UNC13B: variants seen among roughly 807,000 people sequenced by gnomAD.
UNC13B encodes the protein protein unc-13 homolog B.
Under a neutral mutation model 211.0 loss-of-function variants are expected in UNC13B, and 144 were observed. The ratio of observed to expected loss-of-function variants is 0.68; its 90% confidence interval spans 0.60 to 0.78. UNC13B has a LOEUF of 0.78. Among genes scored for constraint, UNC13B ranks in the 30% least tolerant of loss-of-function variants. The pLI is 0.00. For missense variants in UNC13B, 1,777 were observed against 2,002.0 expected (o/e 0.89, Z 2.14); for synonymous variants, 709 against 725.8 (o/e 0.98, Z 0.37).
chr9:35,235,503 G>T (rs927204292), intron 3 of UNC13B, among the ~76,000 whole-genome samples: 6 of 151,322 alleles, frequency 4.0e-5, no homozygotes, highest in African/African-American at 1.5e-4. Context: ...AGGCTGGAGT[G>T]CAGTGGCGTG....
intron 1 of UNC13B, among the ~76,000 whole-genome samples, chr9:35,183,700 T>C (rs1390652803): frequency 7.7e-4 from 66 of 86,208 alleles, no homozygotes; most frequent in South Asian, 3.1e-3. Context: ...ACGGGGCAGC[T>C]GGGCAGAGGC....
chr9:35,352,987 A>C, intron 11 of UNC13B: 4 of 1,232,210 alleles, frequency 3.2e-6, no homozygotes, highest in Non-Finnish European at 4.0e-6. Context: ...GAATAAACGC[A>C]GAGGACAAGC....
intron 32 of UNC13B, 67 bp from the exon 33 acceptor site, chr9:35,398,815 G>C: frequency 1.3e-6 from 2 of 1,584,970 alleles, no homozygotes; most frequent in Non-Finnish European, 1.7e-6. Flanking sequence ...GGACCAAATA[G>C]CTGGTGCCGC....
intron 3 of UNC13B, among the ~76,000 whole-genome samples, chr9:35,232,095 G>A (rs1825234237): frequency 6.6e-6 from 1 of 150,466 alleles, no homozygotes; most frequent in South Asian, 2.1e-4. Flanking sequence ...ATGTTTTATA[G>A]TGCAGCTCAG....
intron 11 of UNC13B, among the ~76,000 whole-genome samples, chr9:35,344,332 C>T (rs1027390325): frequency 6.6e-6 from 1 of 152,054 alleles, no homozygotes. Context: ...GAAAGATTTC[C>T]ACCTTAGTTT....
intron 10 of UNC13B, among the ~76,000 whole-genome samples, chr9:35,311,783 C>T (rs1044742033): frequency 6.6e-6 from 1 of 152,114 alleles, no homozygotes; most frequent in African/African-American, 2.4e-5. Flanking sequence ...TTAACCCACC[C>T]CTCAGCCTCC....
chr9:35,167,895 G>A (rs1821130265), intron 1 of UNC13B, among the ~76,000 whole-genome samples: 1 of 151,232 alleles, frequency 6.6e-6, no homozygotes, highest in Non-Finnish European at 1.5e-5. Context: ...GAGCCACCAC[G>A]TCCAGCCTGT....
chr9:35,166,209 C>A (rs1047649260), intron 1 of UNC13B, among the ~76,000 whole-genome samples: 2 of 151,970 alleles, frequency 1.3e-5, no homozygotes, highest in Non-Finnish European at 2.9e-5. Flanking sequence ...TGGTGAAACC[C>A]CATCTCTACT....
chr9:35,201,083 A>G (rs1011169218), intron 1 of UNC13B, among the ~76,000 whole-genome samples: 2 of 152,048 alleles, frequency 1.3e-5, no homozygotes, highest in South Asian at 2.1e-4. Flanking sequence ...TTCTGCATCT[A>G]TTGAGATAAT....
intron 11 of UNC13B, chr9:35,351,578 CCCT>C: frequency 4.9e-6 from 6 of 1,232,310 alleles, no homozygotes; most frequent in Non-Finnish European, 6.1e-6. Flanking sequence ...TACCTTGGGA[CCCT>C]CCTCCAGGCT....
intron 1 of UNC13B, among the ~76,000 whole-genome samples, chr9:35,189,586 C>A (rs887717720): frequency 6.6e-6 from 1 of 152,190 alleles, no homozygotes; most frequent in African/African-American, 2.4e-5. Flanking sequence ...AATTAGAGCT[C>A]TTTTTATAGA....
chr9:35,175,475 G>C (rs1303829894), intron 1 of UNC13B, among the ~76,000 whole-genome samples: 1 of 152,178 alleles, frequency 6.6e-6, no homozygotes, highest in Non-Finnish European at 1.5e-5. Flanking sequence ...TGTTGTGTTA[G>C]GGTCTGTAGC....
chr9:35,320,499 T>A (rs562667019), intron 11 of UNC13B, among the ~76,000 whole-genome samples: 57 of 152,334 alleles, frequency 3.7e-4, no homozygotes, highest in African/African-American at 1.3e-3. Flanking sequence ...TCTGCTAGGC[T>A]CTTTTTGCTA....
chr9:35,215,650 A>G (rs1029644576), intron 1 of UNC13B, among the ~76,000 whole-genome samples: 2 of 152,212 alleles, frequency 1.3e-5, no homozygotes, highest in African/African-American at 4.8e-5. Context: ...ATTTTCTGGA[A>G]TGTGATAAAC....
chr9:35,184,473 C>T (rs997462139), intron 1 of UNC13B, among the ~76,000 whole-genome samples: 27 of 152,096 alleles, frequency 1.8e-4, no homozygotes, highest in African/African-American at 3.9e-4. Context: ...CCCGGGAGGC[C>T]GAGGCGGGCA....
chr9:35,170,418 G>A (rs578032161), intron 1 of UNC13B, among the ~76,000 whole-genome samples: 3 of 151,866 alleles, frequency 2.0e-5, no homozygotes, highest in African/African-American at 2.4e-5. Flanking sequence ...TGCCCACTGC[G>A]GCCTCCCAAA....
intron 6 of UNC13B, among the ~76,000 whole-genome samples, chr9:35,257,760 T>C (rs1341459949): frequency 6.6e-6 from 1 of 152,032 alleles, no homozygotes; most frequent in African/African-American, 2.4e-5. Flanking sequence ...ATAAAGTATA[T>C]TTTATATACA....
At chr9:35,279,879 A>G (rs1828389513) in intron 7 of UNC13B, among the ~76,000 whole-genome samples, 1 of 152,146 alleles carries the variant, frequency 6.6e-6, no homozygotes, top group Non-Finnish European at 1.5e-5. Flanking sequence ...CACACTGAGG[A>G]TAGCCATAGG....
chr9:35,169,479 T>C (rs573581502), intron 1 of UNC13B, among the ~76,000 whole-genome samples: 1 of 152,346 alleles, frequency 6.6e-6, no homozygotes, highest in East Asian at 1.9e-4. Context: ...GGTAATGATA[T>C]TAGAGTTTTC....
Sources: gnomAD v4.1 joint callset for allele counts (sites outside exome capture counted in the v4.1 genomes callset) on GRCh38, gnomAD v4.1.1 for gene constraint, MANE v1.5 for transcripts, NCBI Gene and HGNC (gene_info 2026-07-23, HGNC 2026-07-21) for gene names.